CIROP: variants seen among roughly 807,000 people sequenced by gnomAD.
CIROP encodes the protein leishmanolysin homolog.
At chr14:23,102,922 T>C in the CIROP span, 1 of 601,224 alleles carries the variant, frequency 1.7e-6, no homozygotes, top group African/African-American at 1.9e-5. Context: ...CATGCAGCAG[T>C]CACCATGACG....
At chr14:23,101,166 C>A in the CIROP span, 3 of 408,654 alleles carry the variant, frequency 7.3e-6, no homozygotes, top group South Asian at 1.2e-4. Context: ...AGATCAGAGT[C>A]ATGGACTCAG....
chr14:23,104,478 A>C, the CIROP span: 1 of 702,872 alleles, frequency 1.4e-6, no homozygotes, highest in Non-Finnish European at 2.6e-6. Flanking sequence ...CACTGGAGGG[A>C]CTTGATAAGA....
At chr14:23,099,253 C>T in the CIROP span, 9 of 413,368 alleles carry the variant, frequency 2.2e-5, no homozygotes, top group African/African-American at 4.1e-5. Context: ...TTATTCTCTT[C>T]CTTACCCCCT....
the CIROP span, chr14:23,102,378 G>A: frequency 1.9e-3 from 1,310 of 702,830 alleles, 9 homozygotes; most frequent in African/African-American, 0.019. Context: ...GGAAGCCCCC[G>A]ACACTCCCAA....
the CIROP span, chr14:23,101,361 C>G: frequency 1.8e-6 from 1 of 549,454 alleles, no homozygotes; most frequent in Non-Finnish European, 3.2e-6. Flanking sequence ...AAGCTCCCCT[C>G]CCTGTGCATT....
the CIROP span, chr14:23,102,047 A>G: frequency 1.4e-6 from 1 of 701,720 alleles, no homozygotes; most frequent in Non-Finnish European, 2.6e-6. Flanking sequence ...CCCAGAGCTG[A>G]CTTGGGTCAT....
the CIROP span, chr14:23,101,660 TC>T: frequency 1.4e-6 from 1 of 703,052 alleles, no homozygotes; most frequent in South Asian, 1.5e-5. Flanking sequence ...TGCTCTCTTA[TC>T]TACTCACCCC....
chr14:23,104,836 G>C, the CIROP span: 4 of 702,822 alleles, frequency 5.7e-6, no homozygotes, highest in Non-Finnish European at 1.0e-5. Context: ...ACAGACTTCT[G>C]TGTCTCATCA....
chr14:23,102,021 C>T, the CIROP span: 4 of 700,830 alleles, frequency 5.7e-6, no homozygotes, highest in Admixed American at 4.0e-5. Flanking sequence ...AGACACCCCT[C>T]CAGCCTCCCA....
the CIROP span, chr14:23,102,113 C>G: frequency 8.5e-6 from 6 of 702,956 alleles, no homozygotes; most frequent in East Asian, 1.1e-4. Context: ...AACAGCTCCT[C>G]TGCAGCGCTG....
At chr14:23,104,837 T>C in the CIROP span, 5 of 702,874 alleles carry the variant, frequency 7.1e-6, no homozygotes, top group Non-Finnish European at 1.3e-5. Context: ...CAGACTTCTG[T>C]GTCTCATCAT....
the CIROP span, chr14:23,101,740 G>C: frequency 1.4e-6 from 1 of 702,958 alleles, no homozygotes; most frequent in Non-Finnish European, 2.6e-6. Context: ...CCCTTGTCCA[G>C]GTGCAGGTAG....
the CIROP span, chr14:23,103,318 G>A: frequency 2.7e-6 from 1 of 372,906 alleles, no homozygotes; most frequent in African/African-American, 2.1e-5. Flanking sequence ...GGAAGCCAAG[G>A]TGGGCAGATT....
chr14:23,104,751 C>T, the CIROP span: 1,329 of 702,908 alleles, frequency 1.9e-3, 15 homozygotes, highest in East Asian at 0.024. Context: ...TTGAGGATCA[C>T]GGGAGCTAGG....
the CIROP span, chr14:23,104,943 G>A: frequency 1.5e-6 from 1 of 675,466 alleles, no homozygotes; most frequent in South Asian, 1.6e-5. Flanking sequence ...TCTCTCCGTA[G>A]ATACAGCCTG....
At chr14:23,103,707 G>C in the CIROP span, 1 of 702,968 alleles carries the variant, frequency 1.4e-6, no homozygotes. Flanking sequence ...TGAGCAACTC[G>C]CACATACAGG....
the CIROP span, chr14:23,100,460 G>A: frequency 2.9e-5 from 12 of 413,158 alleles, no homozygotes; most frequent in African/African-American, 8.2e-5. Context: ...TCAAACATCC[G>A]GACTCCATGG....
At chr14:23,104,855 T>A in the CIROP span, 1 of 701,432 alleles carries the variant, frequency 1.4e-6, no homozygotes, top group Non-Finnish European at 2.6e-6. Flanking sequence ...CATGTAGACA[T>A]CGGCTTGCAG....
At chr14:23,100,486 A>G in the CIROP span, 43 of 413,410 alleles carry the variant, frequency 1.0e-4, no homozygotes, top group Non-Finnish European at 1.9e-4. Context: ...AAAGGAAAGT[A>G]CTTGGAATAT....
Sources: gnomAD v4.1 joint callset for allele counts on GRCh38, gnomAD v4.1.1 for gene constraint, MANE v1.5 for transcripts, NCBI Gene and HGNC (gene_info 2026-07-23, HGNC 2026-07-21) for gene names.